HOXD8: variants seen among roughly 807,000 people sequenced by gnomAD.
HOXD8 encodes the protein homeobox D8.
A neutral mutation model predicts 25.4 loss-of-function variants in HOXD8; 17 were observed. That is an observed-to-expected ratio of 0.67 (90% CI 0.46 to 1.00). The LOEUF is 1.00. HOXD8 is among the 50% of genes least tolerant of loss of function. The probability of loss-of-function intolerance (pLI) is 0.00; values close to 1 mark genes in which losing one functional copy is unlikely to be tolerated. For missense variants in HOXD8, 511 were observed against 398.5 expected, an observed-to-expected ratio of 1.28 and a Z score of -2.40; for synonymous variants, 203 against 175.3, an observed-to-expected ratio of 1.16 and a Z score of -1.25.
Position 176,130,569 on chromosome 2 carries a change from C to G in HOXD8, c.203C>G (p.Ala68Gly). Reference sequence around the variant, plus strand: ...GGCTTCCCGCACGCGCCCCCGCAGGCGCACGCGCACCCGCACCCGTCCCCG... The same window carrying G: ...GGCTTCCCGCACGCGCCCCCGCAGGGGCACGCGCACCCGCACCCGTCCCCG... Reference protein sequence around the residue: ...AAGFPHAPPQAHAHPHPSPPP... With the variant: ...AAGFPHAPPQGHAHPHPSPPP... Residue 68 changes from alanine (A) to glycine (G), a missense_variant, in exon 1 of 2, where the codon GCG (alanine) becomes GGG (glycine). Ala to Gly is a moderately conservative substitution (Grantham distance 60). Coordinates refer to ENST00000313173, the MANE Select transcript of HOXD8 (RefSeq NM_019558.4). The G allele has an allele frequency of 6.8e-7, 1 of 1,463,210 alleles. No individual in the cohort carries two copies. The highest frequency in any genetic ancestry group is 8.9e-7 in the Non-Finnish European group (1 of 1,117,330). The allele number at this position is 1,463,210 out of a possible 1,614,324, so 90.6% of individuals were successfully genotyped here. A position where few individuals can be genotyped will look rare whatever the true frequency, so the allele number is the denominator to read the frequency against.
Position 176,131,367 on chromosome 2 carries a change from C to G in HOXD8, c.628C>G (p.Leu210Val). The change falls in exon 2 of 2, where the codon CTA becomes GTA. Residue 210 changes from leucine to valine, a missense_variant. Leu to Val is a conservative substitution (Grantham distance 32). Transcript: ENST00000313173. Reference protein sequence around the residue: ...GRQTYSRFQTLELEKEFLFNP... With the variant: ...GRQTYSRFQTVELEKEFLFNP... ...ACAAACCTACAGTCGCTTCCAAACTCTAGAGTTGGAAAAGGAATTTCTTTT... is the reference window on the plus strand; with the variant it reads ...ACAAACCTACAGTCGCTTCCAAACTGTAGAGTTGGAAAAGGAATTTCTTTT... 2.5e-6 allele frequency: 4 copies of G among 1,591,996 alleles called. No homozygotes were observed. Among genetic ancestry groups the G allele is most frequent in the Non-Finnish European group, 3.4e-6 (4 of 1,169,446 alleles).
rs749946440 is a variant in HOXD8, at chr2:176,130,757, G to C, written c.391G>C (p.Gly131Arg). 19 of 1,610,788 alleles carry C rather than the reference G, an allele frequency of 1.2e-5. No individual in the cohort carries two copies. Among genetic ancestry groups the C allele is most frequent in the East Asian group, 2.2e-5 (1 of 44,540 alleles). Residue 131 changes from glycine to arginine, a missense_variant, in exon 1 of 2, where the codon GGG (glycine) becomes CGG (arginine). Physicochemically the swap from Gly to Arg is moderately radical, Grantham distance 125. Coordinates refer to ENST00000313173, the MANE Select transcript of HOXD8 (RefSeq NM_019558.4). ...PPPCGGIACHGEPAKFYGYDN... is the reference protein window; with the variant it reads ...PPPCGGIACHREPAKFYGYDN... The stretch of plus-strand genomic sequence containing the variant: ...CCCCTGCGGCGGGATTGCCTGTCAC[G>C]GGGAGCCCGCGAAGTTTTACGGATA...
In HOXD8 at chr2:176,130,315, C is replaced by T. The variant is rs1690056981; in HGVS notation, c.-52C>T. 2 of 1,266,008 alleles carry T rather than the reference C, an allele frequency of 1.6e-6. No individual in the cohort carries two copies. Among genetic ancestry groups the T allele is most frequent in the Admixed American group, 4.2e-5 (1 of 23,808 alleles). The allele number at this position is 1,266,008 out of a possible 1,614,324, so 78.4% of individuals were successfully genotyped here. The stretch of plus-strand genomic sequence containing the variant: ...GTGCGGCCGAGTCGAGGCTCGCTCT[C>T]TGGCTGCTTAGCGCCGCCCGCCCGC... On this transcript the variant is annotated 5_prime_UTR_variant, in exon 1 of 2. Coordinates refer to ENST00000313173, the MANE Select transcript of HOXD8 (RefSeq NM_019558.4).
At position 176,131,815 on chromosome 2, in the gene HOXD8, T is replaced by A; in HGVS notation, c.*203T>A. 1 of 500,252 alleles carries A rather than the reference T, an allele frequency of 2.0e-6. No homozygotes were observed. The highest frequency in any genetic ancestry group is 3.5e-6 in the Non-Finnish European group (1 of 286,548). 31.0% of individuals were successfully genotyped at this position (500,252 alleles called of 1,614,324 possible). Reference sequence around the variant, plus strand: ...TATCACATAGAAGCTGTCCTTGAGCTGTCCTATGGAAGGGTAATTTGATAC... The same window carrying A: ...TATCACATAGAAGCTGTCCTTGAGCAGTCCTATGGAAGGGTAATTTGATAC... On this transcript the variant is annotated 3_prime_UTR_variant, in exon 2 of 2. Coordinates refer to ENST00000313173, the MANE Select transcript of HOXD8 (RefSeq NM_019558.4).
chr2:176,130,264 C>T lies in HOXD8; in HGVS notation c.-103C>T, dbSNP rs1690055329. 3.2e-6 allele frequency: 2 copies of T among 634,010 alleles called. No individual in the cohort carries two copies. The highest frequency in any genetic ancestry group is 4.4e-6 in the Non-Finnish European group (2 of 450,512). 39.3% of individuals were successfully genotyped at this position (634,010 alleles called of 1,614,324 possible). A position where few individuals can be genotyped will look rare whatever the true frequency, so the allele number is the denominator to read the frequency against. ...AGCCCGGCGGTCCCGGCGGCGAGAG[C>T]AGCCGCCCCACAGGCCCCCGCGGCA... On this transcript the variant is annotated 5_prime_UTR_variant, in exon 1 of 2. Transcript: ENST00000313173.
Position 176,131,807 on chromosome 2 carries a change from C to A in HOXD8, c.*195C>A. The A allele has an allele frequency of 1.9e-6, 1 of 539,600 alleles. No individual in the cohort carries two copies. Among genetic ancestry groups the A allele is most frequent in the Non-Finnish European group, 3.2e-6 (1 of 307,954 alleles). 33.4% of individuals were successfully genotyped at this position (539,600 alleles called of 1,614,324 possible). ...GTTTCTAGTATCACATAGAAGCTGT[C>A]CTTGAGCTGTCCTATGGAAGGGTAA... is the stretch of plus-strand genomic sequence containing the variant. On this transcript the variant is annotated 3_prime_UTR_variant, in exon 2 of 2. Coordinates refer to ENST00000313173, the MANE Select transcript of HOXD8 (RefSeq NM_019558.4).
In HOXD8 at chr2:176,130,803, C is replaced by T; in HGVS notation, c.437C>T (p.Pro146Leu). 1.9e-6 allele frequency: 3 copies of T among 1,613,556 alleles called. No homozygotes were observed. Among genetic ancestry groups the T allele is most frequent in the Middle Eastern group, 1.7e-4 (1 of 6,060 alleles). ...FYGYDNLQRQPIFTTQQEAEL... is the reference protein window; with the variant it reads ...FYGYDNLQRQLIFTTQQEAEL... ...GGATACGATAACTTACAGAGACAGCCGATTTTTACGACCCAGCAAGAGGCC... is the reference window on the plus strand; with the variant it reads ...GGATACGATAACTTACAGAGACAGCTGATTTTTACGACCCAGCAAGAGGCC... Residue 146 changes from proline (P) to leucine (L), a missense_variant, in exon 1 of 2, where the codon CCG becomes CTG. Pro to Leu is a moderately conservative substitution (Grantham distance 98). Coordinates refer to ENST00000313173, the MANE Select transcript of HOXD8 (RefSeq NM_019558.4).
chr2:176,130,681 C>A lies in HOXD8; in HGVS notation c.315C>A (p.Tyr105Ter). ...GCGGGGGCAGCCCGGCCGCTGCCTA[C>A]CAGGCCGCCCCCCCTCCTCCTCCGC... ...HPGGGSPAAA[Y>*]QAAPPPPPHP... Residue 105 changes from tyrosine (Y) to a stop codon, truncating the protein, a stop_gained, in exon 1 of 2, where the codon TAC becomes TAA. Transcript: ENST00000313173. LOFTEE classifies it high-confidence loss of function. 1 of 1,572,870 alleles carries A rather than the reference C, an allele frequency of 6.4e-7. No homozygotes were observed. The highest frequency in any genetic ancestry group is 8.6e-7 in the Non-Finnish European group (1 of 1,160,412).
At position 176,130,437 on chromosome 2, in the gene HOXD8, G is replaced by A. The variant is rs1690063063; in HGVS notation, c.71G>A (p.Gly24Asp). 4 of 1,488,656 alleles carry A rather than the reference G, an allele frequency of 2.7e-6. No homozygotes were observed. Among genetic ancestry groups the A allele is most frequent in the Non-Finnish European group, 3.6e-6 (4 of 1,125,726 alleles). 92.2% of individuals were successfully genotyped at this position (1,488,656 alleles called of 1,614,324 possible). ...GCGGCTGCGGCGGCGGCGGCGGCGG[G>A]CGAGGCCATCAATCCCACTTACTAC... ...KAAAAAAAAA[G>D]EAINPTYYDC... The change falls in exon 1 of 2, where the codon GGC (glycine) becomes GAC (aspartate). Residue 24 changes from glycine to aspartate, a missense_variant. Coordinates refer to ENST00000313173, the MANE Select transcript of HOXD8 (RefSeq NM_019558.4).
chr2:176,131,904 C>A lies in HOXD8; in HGVS notation c.*292C>A. 1 of 276,762 alleles carries A rather than the reference C, an allele frequency of 3.6e-6. No individual in the cohort carries two copies. The highest frequency in any genetic ancestry group is 6.7e-6 in the Non-Finnish European group (1 of 149,626). The allele number at this position is 276,762 out of a possible 1,614,324, so 17.1% of individuals were successfully genotyped here. A position where few individuals can be genotyped will look rare whatever the true frequency, so the allele number is the denominator to read the frequency against. On this transcript the variant is annotated 3_prime_UTR_variant, in exon 2 of 2. Coordinates refer to ENST00000313173, the MANE Select transcript of HOXD8 (RefSeq NM_019558.4). ...CTGAGCTAGTGATTTGCCTCAACAA[C>A]GTAAACTTCCTAATGATTAGCACTT...
rs954645387 is a variant in HOXD8, at chr2:176,130,331, GC to G, written c.-33del. ...GCTCGCTCTCTGGCTGCTTAGCGCC[GC>G]CCGCCCGCCCGGGGCCGCCGCCGCT... On this transcript the variant is annotated 5_prime_UTR_variant, in exon 1 of 2. Coordinates refer to ENST00000313173, the MANE Select transcript of HOXD8 (RefSeq NM_019558.4). 1.5e-4 allele frequency: 205 copies of G among 1,336,058 alleles called. No individual in the cohort carries two copies. The highest frequency in any genetic ancestry group is 1.8e-4 in the Non-Finnish European group (192 of 1,042,150). The allele number at this position is 1,336,058 out of a possible 1,614,324, so 82.8% of individuals were successfully genotyped here.
Position 176,130,551 on chromosome 2 carries a change from C to G in HOXD8, c.185C>G (p.Pro62Arg). Residue 62 changes from proline (P) to arginine (R), a missense_variant, in exon 1 of 2, where the codon CCG (proline) becomes CGG (arginine). Transcript: ENST00000313173. ...TATGGCAACAGCGCCGCCGGCTTCC[C>G]GCACGCGCCCCCGCAGGCGCACGCG... is the stretch of plus-strand genomic sequence containing the variant. ...QLYGNSAAGFPHAPPQAHAHP... is the reference protein window; with the variant it reads ...QLYGNSAAGFRHAPPQAHAHP... The G allele has an allele frequency of 6.8e-7, 1 of 1,465,882 alleles. No individual in the cohort carries two copies. Among genetic ancestry groups the G allele is most frequent in the Non-Finnish European group, 8.9e-7 (1 of 1,119,206 alleles). The allele number at this position is 1,465,882 out of a possible 1,614,324, so 90.8% of individuals were successfully genotyped here. A position where few individuals can be genotyped will look rare whatever the true frequency, so the allele number is the denominator to read the frequency against.
At position 176,130,612 on chromosome 2, in the gene HOXD8, G is replaced by A; in HGVS notation, c.246G>A (p.Gly82=). 6.6e-7 allele frequency: 1 copy of A among 1,505,034 alleles called. No individual in the cohort carries two copies. The highest frequency in any genetic ancestry group is 8.8e-7 in the Non-Finnish European group (1 of 1,139,630). 93.2% of individuals were successfully genotyped at this position (1,505,034 alleles called of 1,614,324 possible). The part of the protein sequence containing the change: ...PHPSPPPSGT[G]CGGREGRGQE... ...CGTCCCCGCCGCCCTCCGGGACTGG[G>A]TGCGGCGGTAGGGAAGGCCGGGGCC... Residue 82 remains glycine, a synonymous_variant, in exon 1 of 2, where the codon GGG becomes GGA. Transcript: ENST00000313173.
rs748891827 is a variant in HOXD8 at position 176,130,697 on chromosome 2, C to T, written c.331C>T (p.Pro111Ser). Reference protein sequence around the residue: ...PAAAYQAAPPPPPHPPPPPPP... With the variant: ...PAAAYQAAPPSPPHPPPPPPP... ...CGCTGCCTACCAGGCCGCCCCCCCT[C>T]CTCCTCCGCATCCTCCGCCTCCGCC... Residue 111 changes from proline to serine, a missense_variant, in exon 1 of 2, where the codon CCT becomes TCT. By Grantham distance (74) the Pro-to-Ser change is moderately conservative. Coordinates refer to ENST00000313173, the MANE Select transcript of HOXD8 (RefSeq NM_019558.4). 3 of 1,594,194 alleles carry T rather than the reference C, an allele frequency of 1.9e-6. No homozygotes were observed. Among genetic ancestry groups the T allele is most frequent in the Admixed American group, 3.4e-5 (2 of 58,930 alleles).
chr2:176,131,409 A>G lies in HOXD8; in HGVS notation c.670A>G (p.Arg224Gly), dbSNP rs375411869. ...KEFLFNPYLT[R>G]KRRIEVSHAL... ...ATTTCTTTTTAACCCCTATCTGACC[A>G]GGAAAAGAAGAATCGAGGTTTCCCA... is the stretch of plus-strand genomic sequence containing the variant. Residue 224 changes from arginine (R) to glycine (G), a missense_variant, in exon 2 of 2, where the codon AGG becomes GGG. Arg to Gly is a moderately radical substitution (Grantham distance 125). Transcript: ENST00000313173. 6 of 1,613,870 alleles carry G rather than the reference A, an allele frequency of 3.7e-6. No individual in the cohort carries two copies. Among genetic ancestry groups the G allele is most frequent in the African/African-American group, 1.3e-5 (1 of 74,942 alleles).
In HOXD8 at chr2:176,130,505, G is replaced by T. The variant is rs1171719699; in HGVS notation, c.139G>T (p.Ala47Ser). The T allele has an allele frequency of 1.1e-5, 17 of 1,491,524 alleles. No individual in the cohort carries two copies. The highest frequency in any genetic ancestry group is 1.5e-5 in the Non-Finnish European group (17 of 1,127,366). 92.4% of individuals were successfully genotyped at this position (1,491,524 alleles called of 1,614,324 possible). ...CGAGGTCGGCGGCCGTCACGCCGCCGCCGCAGCAGCCCTGCAGCTCTATGG... is the reference window on the plus strand; with the variant it reads ...CGAGGTCGGCGGCCGTCACGCCGCCTCCGCAGCAGCCCTGCAGCTCTATGG... ...APEVGGRHAA[A>S]AAALQLYGNS... is the part of the protein sequence containing the mutation. The change falls in exon 1 of 2, where the codon GCC becomes TCC. Residue 47 changes from alanine to serine, a missense_variant. By Grantham distance (99) the Ala-to-Ser change is moderately conservative. Transcript: ENST00000313173.
chr2:176,130,747 T>G lies in HOXD8; in HGVS notation c.381T>G (p.Ile127Met). 6.2e-7 allele frequency: 1 copy of G among 1,610,422 alleles called. No homozygotes were observed. The highest frequency in any genetic ancestry group is 8.5e-7 in the Non-Finnish European group (1 of 1,178,380). The part of the protein sequence containing the change: ...PPPPPPPCGG[I>M]ACHGEPAKFY... ...CGCCACCTCCCCCCTGCGGCGGGAT[T>G]GCCTGTCACGGGGAGCCCGCGAAGT... The change falls in exon 1 of 2, where the codon ATT becomes ATG. Residue 127 changes from isoleucine to methionine, a missense_variant. Coordinates refer to ENST00000313173, the MANE Select transcript of HOXD8 (RefSeq NM_019558.4).
chr2:176,130,412 GC>G lies in HOXD8; in HGVS notation c.47del (p.Ala16GlyfsTer161). ...CCCGCTGTACTCCAAGTACAAGGCGGCGGCTGCGGCGGCGGCGGCGGCGGGC... is the reference window on the plus strand; with the variant it reads ...CCCGCTGTACTCCAAGTACAAGGCGGGGCTGCGGCGGCGGCGGCGGCGGGC... ...VNPLYSKYKA[A>X]AAAAAAAGEA... On this transcript the variant is annotated frameshift_variant, in exon 1 of 2. Coordinates refer to ENST00000313173, the MANE Select transcript of HOXD8 (RefSeq NM_019558.4). LOFTEE classifies it high-confidence loss of function. 6.7e-7 allele frequency: 1 copy of G among 1,487,422 alleles called. No homozygotes were observed. Among genetic ancestry groups the G allele is most frequent in the Admixed American group, 2.3e-5 (1 of 43,624 alleles). 92.1% of individuals were successfully genotyped at this position (1,487,422 alleles called of 1,614,324 possible). A position where few individuals can be genotyped will look rare whatever the true frequency, so the allele number is the denominator to read the frequency against.
chr2:176,130,712 C>T lies in HOXD8; in HGVS notation c.346C>T (p.Pro116Ser), dbSNP rs768519056. 7 of 1,604,392 alleles carry T rather than the reference C, an allele frequency of 4.4e-6. No homozygotes were observed. In the East Asian group the frequency reaches 6.8e-5, roughly 16 times the overall value. ...QAAPPPPPHP[P>S]PPPPPPPCGG... ...CGCCCCCCCTCCTCCTCCGCATCCT[C>T]CGCCTCCGCCGCCACCTCCCCCCTG... The change falls in exon 1 of 2, where the codon CCG (proline) becomes TCG (serine). Residue 116 changes from proline (P) to serine (S), a missense_variant. Physicochemically the swap from Pro to Ser is moderately conservative, Grantham distance 74. Transcript: ENST00000313173.
Sources: gnomAD v4.1 joint callset for allele counts on GRCh38, gnomAD v4.1.1 for gene constraint, MANE v1.5 for transcripts, NCBI Gene and HGNC (gene_info 2026-07-23, HGNC 2026-07-21) for gene names.